CCDC142: variants seen among roughly 807,000 people sequenced by gnomAD.
The protein encoded by CCDC142 is coiled-coil domain containing 142.
A neutral mutation model predicts 83.8 loss-of-function variants in CCDC142; 67 were observed. The observed-to-expected ratio is 0.80, with a 90% confidence interval of 0.66 to 0.98. The LOEUF is 0.98. Ranked by LOEUF, CCDC142 falls within the 50% of genes least tolerant of loss-of-function variation. CCDC142 has a pLI of 0.00. For missense variants in CCDC142, 905 were observed against 946.8 expected, an observed-to-expected ratio of 0.96 and a Z score of 0.58; for synonymous variants, 421 against 421.2, an observed-to-expected ratio of 1.00 and a Z score of 0.01.
At chr2:74,480,590 C>CA (rs374053495) in intron 5 of CCDC142, among the ~76,000 whole-genome samples, 179 bp downstream of exon 5, 851 of 55,540 alleles carry the variant, frequency 0.015, 7 homozygotes, top group Middle Eastern at 0.025. Context: ...GACCCTGTCT[C>CA]AAAAAAAAAA....
At chr2:74,480,740 AC>A in intron 5 of CCDC142, 28 bp downstream of exon 5, 1 of 1,521,874 alleles carries the variant, frequency 6.6e-7, no homozygotes, top group Non-Finnish European at 9.1e-7. Context: ...AGGGTCTTAC[AC>A]TGCCACTGTT....
In CCDC142 at chr2:74,480,975, A is replaced by G. The variant is rs1672426745; in HGVS notation, c.1370T>C (p.Leu457Pro). The G allele has an allele frequency of 6.2e-7, 1 of 1,614,144 alleles. No individual in the cohort carries two copies. The highest frequency in any genetic ancestry group is 8.5e-7 in the Non-Finnish European group (1 of 1,179,994). The change falls in exon 4 of 9, where the codon CTG becomes CCG. Residue 457 changes from leucine (L) to proline (P), a missense_variant. This residue lies in a region of CCDC142 where 49 missense variants were observed against 86.4 expected (regional missense o/e 0.57). Coordinates refer to ENST00000393965, the MANE Select transcript of CCDC142 (RefSeq NM_001365575.2). ...AAWDPASFLL[L>P]IQKDLPPLLH... Reference sequence around the variant, plus strand: ...ACTCACAGGTAAGTCCTTTTGGATCAGGAGCAGGAAGGAAGCTGGGTCCCA... The same window carrying G: ...ACTCACAGGTAAGTCCTTTTGGATCGGGAGCAGGAAGGAAGCTGGGTCCCA...
At chr2:74,477,843 G>A (rs1288704041) in intron 5 of CCDC142, among the ~76,000 whole-genome samples, 1 of 151,966 alleles carries the variant, frequency 6.6e-6, no homozygotes, top group Non-Finnish European at 1.5e-5. Context: ...AGAACTCTGG[G>A]AGCCAGGCTG....
chr2:74,481,703 G>C, intron 1 of CCDC142, 114 bp downstream of exon 1: 1 of 1,401,504 alleles, frequency 7.1e-7, no homozygotes, highest in Non-Finnish European at 9.9e-7. Context: ...TGAACCCAGG[G>C]GTGTTCTTTC....
intron 5 of CCDC142, among the ~76,000 whole-genome samples, chr2:74,479,153 A>G (rs1161100845): frequency 2.0e-5 from 3 of 151,264 alleles, no homozygotes; most frequent in Non-Finnish European, 4.4e-5. Flanking sequence ...AAGATCACAT[A>G]ACTGCACTCC....
chr2:74,480,886 T>C lies in CCDC142; in HGVS notation c.1390-4A>G, dbSNP rs1370676503. ...CTTCTGCCTCATGCAACAGAGGCTT[T>C]GGGTGGAAACAGGGAGTGAGGGCTC... On this transcript the variant is annotated splice_polypyrimidine_tract_variant and splice_region_variant and intron_variant, in intron 4 of 8. Coordinates refer to ENST00000393965, the MANE Select transcript of CCDC142 (RefSeq NM_001365575.2). 6.2e-7 allele frequency: 1 copy of C among 1,613,540 alleles called. No homozygotes were observed. The highest frequency in any genetic ancestry group is 1.3e-5 in the African/African-American group (1 of 74,922).
At position 74,481,800 on chromosome 2, in the gene CCDC142, C is replaced by T. The variant is rs1374697415; in HGVS notation, c.1021+17G>A. 1 of 1,596,702 alleles carries T rather than the reference C, an allele frequency of 6.3e-7. No individual in the cohort carries two copies. Among genetic ancestry groups the T allele is most frequent in the African/African-American group, 1.3e-5 (1 of 74,564 alleles). ...GACCCCAGCCTTCCCAAACGCCCAC[C>T]CAAGCCCATCACTCACCCTGACCCA... On this transcript the variant is annotated intron_variant, in intron 1 of 8. Coordinates refer to ENST00000393965, the MANE Select transcript of CCDC142 (RefSeq NM_001365575.2).
At chr2:74,478,579 G>C (rs928398067) in intron 5 of CCDC142, among the ~76,000 whole-genome samples, 1 of 151,022 alleles carries the variant, frequency 6.6e-6, no homozygotes, top group Non-Finnish European at 1.5e-5. Context: ...GTTTCACCAC[G>C]TTGGGCAGGC....
At chr2:74,480,368 C>A (rs1672413243) in intron 5 of CCDC142, among the ~76,000 whole-genome samples, 1 of 152,102 alleles carries the variant, frequency 6.6e-6, no homozygotes, top group Admixed American at 6.6e-5. Context: ...GTGGATGGAT[C>A]ACTTGAGCTC....
rs769392763 is a variant in CCDC142 at position 74,474,542 on chromosome 2, C to A, written c.*4G>T. ...TAACTTTCTGGCTCCTGGTCCCAGG[C>A]TCCTTAGGATTCAGGACTGGTTCCC... On this transcript the variant is annotated 3_prime_UTR_variant, in exon 9 of 9. Coordinates refer to ENST00000393965, the MANE Select transcript of CCDC142 (RefSeq NM_001365575.2). 3.8e-6 allele frequency: 6 copies of A among 1,589,222 alleles called. No homozygotes were observed. The highest frequency in any genetic ancestry group is 4.3e-6 in the Non-Finnish European group (5 of 1,169,140).
rs1159909693 is a variant in CCDC142, at chr2:74,482,382, C to A, written c.456G>T (p.Ala152=). 8 of 1,578,394 alleles carry A rather than the reference C, an allele frequency of 5.1e-6. No individual in the cohort carries two copies. The highest frequency in any genetic ancestry group is 6.9e-6 in the Non-Finnish European group (8 of 1,163,146). ...RDLQLHPSQG[A]VLRIGPGETL... is the part of the protein sequence containing the mutation. ...TCTCCCCAGGGCCGATTCGCAGAACCGCCCCTTGGGAAGGGTGCAGCTGCA... is the reference window on the plus strand; with the variant it reads ...TCTCCCCAGGGCCGATTCGCAGAACAGCCCCTTGGGAAGGGTGCAGCTGCA... The change falls in exon 1 of 9, where the codon GCG becomes GCT. Residue 152 remains alanine (A), a synonymous_variant. Transcript: ENST00000393965. The surrounding 1 kb of genome is among the most constrained non-coding windows in gnomAD (Gnocchi z 5.0).
rs374532838 is a variant in CCDC142, at chr2:74,474,520, C to T, written c.*26G>A. 6 of 1,561,118 alleles carry T rather than the reference C, an allele frequency of 3.8e-6. No individual in the cohort carries two copies. In the African/African-American group the frequency reaches 6.9e-5, roughly 18 times the overall value. On this transcript the variant is annotated 3_prime_UTR_variant, in exon 9 of 9. Coordinates refer to ENST00000393965, the MANE Select transcript of CCDC142 (RefSeq NM_001365575.2). ...CCAGCTAGAGATGGGGAGCTCTTAA[C>T]TTTCTGGCTCCTGGTCCCAGGCTCC... is the stretch of plus-strand genomic sequence containing the variant.
intron 5 of CCDC142, 142 bp from the exon 6 acceptor site, chr2:74,475,868 C>T: frequency 1.6e-6 from 1 of 613,236 alleles, no homozygotes; most frequent in Non-Finnish European, 2.9e-6. Context: ...TTTTGAGGAG[C>T]AATGCCATAG....
rs138040614 is a variant in CCDC142 at position 74,481,927 on chromosome 2, T to C, written c.911A>G (p.Gln304Arg). The C allele has an allele frequency of 7.3e-4, 1,173 of 1,614,114 alleles. 8 individuals are homozygous for C. Among genetic ancestry groups the C allele is most frequent in the South Asian group, 6.1e-3 (552 of 91,084 alleles). Reference protein sequence around the residue: ...GLGGAGALWSQYWTLLWAACA... With the variant: ...GLGGAGALWSRYWTLLWAACA... Reference sequence around the variant, plus strand: ...GGCTGCCCACAGCAGGGTCCAGTATTGGCTCCACAAGGCCCCAGCCCCTCC... The same window carrying C: ...GGCTGCCCACAGCAGGGTCCAGTATCGGCTCCACAAGGCCCCAGCCCCTCC... The change falls in exon 1 of 9, where the codon CAA (glutamine) becomes CGA (arginine). Residue 304 changes from glutamine to arginine, a missense_variant. Physicochemically the swap from Gln to Arg is conservative, Grantham distance 43. Transcript: ENST00000393965.
chr2:74,474,669 C>T lies in CCDC142; in HGVS notation c.2130G>A (p.Arg710=), dbSNP rs761034366. 1.2e-6 allele frequency: 2 copies of T among 1,614,214 alleles called. No homozygotes were observed. Among genetic ancestry groups the T allele is most frequent in the South Asian group, 2.2e-5 (2 of 91,088 alleles). The change falls in exon 9 of 9, where the codon AGG becomes AGA. Residue 710 remains arginine (R), a synonymous_variant. Coordinates refer to ENST00000393965, the MANE Select transcript of CCDC142 (RefSeq NM_001365575.2). ...CCAGGTAGCCCTCCGGGCTAGGTCC[C>T]CTTCCTCCTAGTGTGCTTTGCAGCT... ...TGQLQSTLGG[R]GPSPEGYLVG... is the part of the protein sequence containing the mutation.
intron 5 of CCDC142, among the ~76,000 whole-genome samples, chr2:74,479,820 C>T (rs572840161): frequency 7.9e-5 from 12 of 152,208 alleles, no homozygotes; most frequent in African/African-American, 2.9e-4. Flanking sequence ...CGCTATGTTG[C>T]CCCTGGTGGT....
intron 5 of CCDC142, among the ~76,000 whole-genome samples, chr2:74,479,739 G>A (rs558494010): frequency 1.2e-4 from 18 of 152,212 alleles, no homozygotes; most frequent in African/African-American, 3.6e-4. Context: ...GAGTACAGGC[G>A]CATGCCACCA....
In CCDC142 at chr2:74,482,849, T is replaced by A; in HGVS notation, c.-12A>T. The A allele has an allele frequency of 1.3e-6, 2 of 1,593,694 alleles. No individual in the cohort carries two copies. The highest frequency in any genetic ancestry group is 1.3e-5 in the African/African-American group (1 of 74,916). ...GACGCCTGGGCCATGGGGCGGCGGGTCCAGAACGAACCTAACGATTCCCAC... is the reference window on the plus strand; with the variant it reads ...GACGCCTGGGCCATGGGGCGGCGGGACCAGAACGAACCTAACGATTCCCAC... On this transcript the variant is annotated 5_prime_UTR_variant, in exon 1 of 9. Coordinates refer to ENST00000393965, the MANE Select transcript of CCDC142 (RefSeq NM_001365575.2). This position sits in a 1 kb window ranked among gnomAD's most constrained non-coding sequence, Gnocchi z 5.0.
At chr2:74,481,765 G>A (rs1277096300) in intron 1 of CCDC142, 52 bp downstream of exon 1, 1 of 1,564,634 alleles carries the variant, frequency 6.4e-7, no homozygotes, top group Non-Finnish European at 8.7e-7. Context: ...TTGGCCAAGG[G>A]GAAGGAAGAG....
Sources: allele counts gnomAD v4.1 joint callset (sites outside exome capture counted in the v4.1 genomes callset), GRCh38; gene constraint gnomAD v4.1.1; regional missense constraint gnomAD v4.1.1; non-coding constraint Gnocchi (gnomAD v3.1); transcripts MANE v1.5; gene names NCBI Gene and HGNC (gene_info 2026-07-23, HGNC 2026-07-21).